Variants in FAM149A observed in about 807,000 individuals in gnomAD.
The protein encoded by FAM149A is family with sequence similarity 149 member A.
FAM149A carries 71 observed loss-of-function variants against 78.2 expected under a neutral mutation model. The ratio of observed to expected loss-of-function variants is 0.91; its 90% CI spans 0.75 to 1.11. The LOEUF (loss-of-function observed/expected upper bound fraction) is 1.11. FAM149A is among the 50% of genes least tolerant of loss of function. FAM149A has a pLI of 0.00. For synonymous variants in FAM149A, 446 were observed against 410.5 expected (o/e 1.09, Z -1.04); for missense variants, 1,036 against 971.0 (o/e 1.07, Z -0.89).
At chr4:186,117,489 C>T (rs911509565) in intron 1 of FAM149A, 3 of 985,260 alleles carry the variant, frequency 3.0e-6, no homozygotes, top group East Asian at 1.1e-4. Flanking sequence ...GAACGAGGGG[C>T]GATGTCAGGG....
intron 1 of FAM149A, chr4:186,110,006 C>T (rs2099310541): frequency 1.0e-6 from 1 of 985,300 alleles, no homozygotes. Flanking sequence ...AGTAGCATCA[C>T]AAATCATACA....
rs892405228 is a variant in FAM149A, at chr4:186,105,482, G to T, written c.406G>T (p.Val136Phe). 8.4e-5 allele frequency: 101 copies of T among 1,208,962 alleles called. No homozygotes were observed. The highest frequency in any genetic ancestry group is 9.9e-5 in the Non-Finnish European group (95 of 956,012). The allele number at this position is 1,208,962 out of a possible 1,614,324, so 74.9% of individuals were successfully genotyped here. Reference sequence around the variant, plus strand: ...GCGGCCGCCCTCGGGCCCCGGCGGGGTCTGGGCCGCGCTCCCCAGGAACCC... The same window carrying T: ...GCGGCCGCCCTCGGGCCCCGGCGGGTTCTGGGCCGCGCTCCCCAGGAACCC... The change falls in exon 1 of 14, where the codon GTC becomes TTC. Residue 136 changes from valine to phenylalanine, a missense_variant. By Grantham distance (50) the Val-to-Phe change is conservative (BLOSUM62 -1). Around this residue, in one of 3 missense-constraint regions of FAM149A, gnomAD observed 316 missense variants for 241.9 expected, o/e 1.31. Coordinates refer to ENST00000389354, the MANE Select transcript of FAM149A (RefSeq NM_001367768.3).
chr4:186,134,589 T>C (rs2099322000), intron 1 of FAM149A, among the ~76,000 whole-genome samples: 1 of 152,194 alleles, frequency 6.6e-6, no homozygotes, highest in African/African-American at 2.4e-5. Flanking sequence ...GACCTAGGTT[T>C]TCCCTGGGTA....
rs1007625299 is a variant in FAM149A at position 186,173,858 on chromosome 4, A to C, written c.*1871A>C. Among the ~76,000 whole-genome samples, 124 of 112,172 alleles carry C rather than the reference A, an allele frequency of 1.1e-3. 38 individuals carry two copies. The highest frequency in any genetic ancestry group is 4.9e-4 in the Non-Finnish European group (22 of 44,478). The allele number at this position is 112,172 out of a possible 152,430, so 73.6% of individuals were successfully genotyped here. On this transcript the variant is annotated 3_prime_UTR_variant, in exon 14 of 14. Transcript: ENST00000389354. ...ATTATTCCTAAACATTAGCAATAGA[A>C]ACTTTTAAGAGCAAATGCCAGTCTT...
At chr4:186,154,709 A>T (rs1349221973) in intron 6 of FAM149A, 71 bp downstream of exon 6, 1 of 1,482,562 alleles carries the variant, frequency 6.7e-7, no homozygotes, top group Non-Finnish European at 9.0e-7. Context: ...TTGTTATCGT[A>T]TGCTCATTAA....
chr4:186,150,665 C>T (rs74769576), intron 3 of FAM149A, among the ~76,000 whole-genome samples: 57,574 of 141,564 alleles, frequency 0.41, 12,129 homozygotes, highest in East Asian at 0.5. Context: ...GTGATCCGCC[C>T]GTCTCGGCCT....
At chr4:186,137,018 CTA>C (rs2099323648) in intron 1 of FAM149A, among the ~76,000 whole-genome samples, 5 of 120,202 alleles carry the variant, frequency 4.2e-5, no homozygotes, top group African/African-American at 1.5e-4. Context: ...CTCTCTCTCT[CTA>C]AGTGCTTAAA....
intron 1 of FAM149A, chr4:186,122,616 G>A (rs1204477189): frequency 6.6e-6 from 1 of 152,316 alleles, no homozygotes; most frequent in Non-Finnish European, 1.5e-5. Flanking sequence ...CAGGTGATAG[G>A]TATTTTATTT....
chr4:186,151,895 C>T lies in FAM149A; in HGVS notation c.790-8C>T. 6.2e-7 allele frequency: 1 copy of T among 1,613,740 alleles called. No individual in the cohort carries two copies. Among genetic ancestry groups the T allele is most frequent in the Non-Finnish European group, 8.5e-7 (1 of 1,179,786 alleles). The stretch of plus-strand genomic sequence containing the variant: ...CAGTGTTGTAACCAAGTGTGCATTT[C>T]TGTTTAGGAATTTGACGAAGCCAGT... On this transcript the variant is annotated splice_region_variant and splice_polypyrimidine_tract_variant and intron_variant, in intron 3 of 13. Coordinates refer to ENST00000389354, the MANE Select transcript of FAM149A (RefSeq NM_001367768.3).
At chr4:186,151,760 T>A in intron 3 of FAM149A, 143 bp from the exon 4 acceptor site, 1 of 1,435,964 alleles carries the variant, frequency 7.0e-7, no homozygotes, top group Non-Finnish European at 9.2e-7. Context: ...CACAGGTGTG[T>A]CTGACTGCAA....
intron 1 of FAM149A, chr4:186,109,055 G>T (rs778127092): frequency 4.9e-4 from 116 of 235,388 alleles, no homozygotes; most frequent in Non-Finnish European, 7.4e-4. Context: ...CACCATGTTA[G>T]CCAGGATGGT....
rs1027870844 is a variant in FAM149A, at chr4:186,167,062, G to A, written c.2105G>A (p.Arg702Gln). ...CGAGAAAGAACAGCCACCCTGGAACGGTTGTCAAGGCCCAGCACAACCCAC... is the reference window on the plus strand; with the variant it reads ...CGAGAAAGAACAGCCACCCTGGAACAGTTGTCAAGGCCCAGCACAACCCAC... The change falls in exon 12 of 14, where the codon CGG becomes CAG. Residue 702 changes from arginine to glutamine, a missense_variant. Coordinates refer to ENST00000389354, the MANE Select transcript of FAM149A (RefSeq NM_001367768.3). The A allele has an allele frequency of 3.1e-6, 5 of 1,614,112 alleles. No individual in the cohort carries two copies. The highest frequency in any genetic ancestry group is 2.2e-5 in the East Asian group (1 of 44,882).
chr4:186,168,187 G>A (rs182657328), intron 13 of FAM149A, among the ~76,000 whole-genome samples: 8 of 152,274 alleles, frequency 5.3e-5, no homozygotes, highest in East Asian at 3.9e-4. Flanking sequence ...TAGTGATGTC[G>A]AGATTCTTCA....
chr4:186,144,752 G>T lies in FAM149A; in HGVS notation c.567-4421G>T. The stretch of plus-strand genomic sequence containing the variant: ...GCCGGGGCCGGGGCCGGGGCCCGGA[G>T]CGGGGATGGGCGGGCGCAGCCGGGA... On this transcript the variant is annotated intron_variant, in intron 1 of 13. Coordinates refer to ENST00000389354, the MANE Select transcript of FAM149A (RefSeq NM_001367768.3). This position sits in a 1 kb window ranked among gnomAD's most constrained non-coding sequence, Gnocchi z 4.2. 2 of 901,162 alleles carry T rather than the reference G, an allele frequency of 2.2e-6. No individual in the cohort carries two copies. Among genetic ancestry groups the T allele is most frequent in the South Asian group, 5.0e-5 (1 of 20,188 alleles). 55.8% of individuals were successfully genotyped at this position (901,162 alleles called of 1,614,324 possible). A position where few individuals can be genotyped will look rare whatever the true frequency, so the allele number is the denominator to read the frequency against.
intron 7 of FAM149A, among the ~76,000 whole-genome samples, chr4:186,157,155 T>A (rs1734098121): frequency 9.9e-6 from 1 of 100,706 alleles, no homozygotes; most frequent in Admixed American, 9.0e-5. Flanking sequence ...GCTTTAATCC[T>A]CTTACATACA....
At chr4:186,149,994 A>T (rs1443730825) in intron 3 of FAM149A, among the ~76,000 whole-genome samples, 1 of 152,106 alleles carries the variant, frequency 6.6e-6, no homozygotes, top group African/African-American at 2.4e-5. Context: ...GACTTCTTGG[A>T]TGGTATCCAT....
At chr4:186,136,944 CTCT>C (rs1561396140) in intron 1 of FAM149A, among the ~76,000 whole-genome samples, 1 of 114,908 alleles carries the variant, frequency 8.7e-6, no homozygotes, top group Non-Finnish European at 1.7e-5. Context: ...TGATCTCTCT[CTCT>C]CTCTCTCTCT....
intron 1 of FAM149A, chr4:186,122,709 CATT>C (rs1306095991): frequency 1.8e-5 from 4 of 228,396 alleles, no homozygotes; most frequent in Admixed American, 1.3e-4. Context: ...ATATAAGAAT[CATT>C]ATTATTCTGA....
chr4:186,126,267 C>A (rs572696379), intron 1 of FAM149A, among the ~76,000 whole-genome samples: 1 of 152,254 alleles, frequency 6.6e-6, no homozygotes, highest in African/African-American at 2.4e-5. Flanking sequence ...CCCTTTCTTG[C>A]TGGCTAGATA....
Sources: gnomAD v4.1 joint callset for allele counts (sites outside exome capture counted in the v4.1 genomes callset) on GRCh38, gnomAD v4.1.1 for gene constraint, gnomAD v4.1.1 regional missense constraint, Gnocchi (gnomAD v3.1) non-coding constraint, MANE v1.5 for transcripts, NCBI Gene and HGNC (gene_info 2026-07-23, HGNC 2026-07-21) for gene names.